The following PCDHA1 variants were observed in gnomAD, a reference collection of about 807,000 sequenced individuals.
The protein encoded by PCDHA1 is protocadherin alpha 1, also known as protocadherin alpha-1.
A neutral mutation model predicts 61.3 loss-of-function variants in PCDHA1; 42 were observed. The observed-to-expected ratio is 0.69, with a 90% confidence interval of 0.54 to 0.89. The LOEUF (loss-of-function observed/expected upper bound fraction) is 0.89. Ranked by LOEUF, PCDHA1 falls within the 40% of genes least tolerant of loss-of-function variation. PCDHA1 has a pLI of 0.00. For synonymous variants in PCDHA1, 610 were observed against 553.8 expected (o/e 1.10, Z -1.43); for missense variants, 1,256 against 1,235.3 (o/e 1.02, Z -0.25).
chr5:140,979,060 C>T, intron 2 of PCDHA1, 53 bp downstream of exon 2: 1 of 1,606,180 alleles, frequency 6.2e-7, no homozygotes, highest in Non-Finnish European at 8.5e-7. Context: ...TGGTATGGCT[C>T]AGATAAACTG....
intron 1 of PCDHA1, chr5:140,876,598 G>T: frequency 6.2e-7 from 1 of 1,614,168 alleles, no homozygotes; most frequent in Non-Finnish European, 8.5e-7. Flanking sequence ...TAGCGTGTCG[G>T]ATCGTGACTC....
intron 1 of PCDHA1, chr5:140,882,698 G>GA: frequency 6.2e-7 from 1 of 1,614,200 alleles, no homozygotes; most frequent in Non-Finnish European, 8.5e-7. Flanking sequence ...AATCATTGCA[G>GA]AATCTAGACC....
At chr5:140,824,330 T>C in intron 1 of PCDHA1, 1 of 642,460 alleles carries the variant, frequency 1.6e-6, no homozygotes, top group Non-Finnish European at 2.7e-6. Context: ...TTCTGTGATA[T>C]TAAGTGTTTT....
intron 1 of PCDHA1, chr5:140,926,797 T>G: frequency 2.1e-6 from 3 of 1,450,476 alleles, no homozygotes; most frequent in Non-Finnish European, 1.8e-6. Flanking sequence ...AGGAGCGTGC[T>G]CTTCCCCGCG....
chr5:140,883,282 G>A (rs781911340), intron 1 of PCDHA1: 6 of 1,613,900 alleles, frequency 3.7e-6, no homozygotes, highest in Non-Finnish European at 5.1e-6. Context: ...CCCTTTTGGT[G>A]GAAGTACTAG....
chr5:140,974,440 C>T (rs782138345), intron 1 of PCDHA1, among the ~76,000 whole-genome samples: 7 of 152,182 alleles, frequency 4.6e-5, no homozygotes, highest in Admixed American at 1.3e-4. Context: ...TGTAAATTAG[C>T]ATTTTAAATG....
chr5:140,961,856 C>T (rs781908407), intron 1 of PCDHA1, among the ~76,000 whole-genome samples: 1 of 151,570 alleles, frequency 6.6e-6, no homozygotes, highest in Non-Finnish European at 1.5e-5. Flanking sequence ...GATCATTTAT[C>T]TGGCCACAGA....
chr5:140,868,792 CCATAAATAAG>C (rs2050654448), intron 1 of PCDHA1: 1 of 326,666 alleles, frequency 3.1e-6, no homozygotes, highest in African/African-American at 2.1e-5. Flanking sequence ...TCTGAATATT[CCATAAATAAG>C]CACGTTGGAA....
intron 1 of PCDHA1, among the ~76,000 whole-genome samples, chr5:140,818,769 G>C (rs1766434605): frequency 6.6e-6 from 1 of 152,182 alleles, no homozygotes; most frequent in Non-Finnish European, 1.5e-5. Context: ...GCCTGAGGCT[G>C]CAATGAACTT....
At position 140,801,221 on chromosome 5, in the gene PCDHA1, TC is replaced by T. The variant is rs1762659295; in HGVS notation, c.2394+12539del. On this transcript the variant is annotated intron_variant, in intron 1 of 3. Transcript: ENST00000504120. ...CAATGTTGTTCTCCTGGCGAGAAGATCCTGGAGCCCAGTGCCTGCTGCTTTC... is the reference window on the plus strand; with the variant it reads ...CAATGTTGTTCTCCTGGCGAGAAGATCTGGAGCCCAGTGCCTGCTGCTTTC... The T allele has an allele frequency of 3.1e-6, 5 of 1,610,278 alleles. No homozygotes were observed. In the South Asian group the frequency reaches 4.4e-5, roughly 14 times the overall value.
At chr5:140,869,083 T>C in intron 1 of PCDHA1, 1 of 1,582,990 alleles carries the variant, frequency 6.3e-7, no homozygotes, top group Non-Finnish European at 8.6e-7. Flanking sequence ...AAGCTTATTT[T>C]GGAAGCCAAT....
At chr5:140,800,930 T>G in intron 1 of PCDHA1, 1 of 774,240 alleles carries the variant, frequency 1.3e-6, no homozygotes, top group Non-Finnish European at 1.8e-6. Flanking sequence ...AACTAGAAAT[T>G]TTGGGAAAGT....
intron 3 of PCDHA1, among the ~76,000 whole-genome samples, chr5:141,001,281 A>T (rs1239906088): frequency 6.6e-6 from 1 of 152,168 alleles, no homozygotes; most frequent in African/African-American, 2.4e-5. Context: ...TTTTTTACGG[A>T]TGAAAACTGA....
At chr5:140,798,237 G>C (rs1762306172) in intron 1 of PCDHA1, among the ~76,000 whole-genome samples, 1 of 152,128 alleles carries the variant, frequency 6.6e-6, no homozygotes, top group Non-Finnish European at 1.5e-5. Context: ...AAAGTATGTA[G>C]CACAGGTTGT....
rs1237864850 is a variant in PCDHA1, at chr5:140,788,276, G to C, written c.1986G>C (p.Thr662=). Residue 662 remains threonine, a synonymous_variant, in exon 1 of 4, where the codon ACG becomes ACC. Coordinates refer to ENST00000504120, the MANE Select transcript of PCDHA1 (RefSeq NM_018900.4). ...KDHGEPALTA[T]ATVLVSLVES... ...ACGGTGAGCCGGCGCTGACAGCCACGGCCACTGTGCTTGTATCTCTGGTGG... is the reference window on the plus strand; with the variant it reads ...ACGGTGAGCCGGCGCTGACAGCCACCGCCACTGTGCTTGTATCTCTGGTGG... 2 of 1,614,006 alleles carry C rather than the reference G, an allele frequency of 1.2e-6. No individual in the cohort carries two copies. The highest frequency in any genetic ancestry group is 2.2e-5 in the East Asian group (1 of 44,876).
At chr5:140,959,611 C>T (rs2095501064) in intron 1 of PCDHA1, among the ~76,000 whole-genome samples, 1 of 151,848 alleles carries the variant, frequency 6.6e-6, no homozygotes, top group Non-Finnish European at 1.5e-5. Context: ...GCTTTTCTTG[C>T]TTGTGATAGA....
intron 1 of PCDHA1, chr5:140,883,049 G>A: frequency 6.2e-7 from 1 of 1,614,182 alleles, no homozygotes; most frequent in South Asian, 1.1e-5. Context: ...TGGAACATTA[G>A]TGATCAAGCT....
In PCDHA1 at chr5:140,856,910, A is replaced by G. The variant is rs782378927; in HGVS notation, c.2394+68226A>G. On this transcript the variant is annotated intron_variant, in intron 1 of 3. Coordinates refer to ENST00000504120, the MANE Select transcript of PCDHA1 (RefSeq NM_018900.4). ...ATTTAGCTCTTTGGTCCCACCCACG[A>G]TAAGAAGGAAATTTTGGATAAACGA... 4.4e-6 allele frequency: 7 copies of G among 1,596,308 alleles called. No individual in the cohort carries two copies. In the South Asian group the frequency reaches 4.4e-5, roughly 10 times the overall value.
At chr5:140,858,708 T>C in intron 1 of PCDHA1, 1 of 547,182 alleles carries the variant, frequency 1.8e-6, no homozygotes, top group African/African-American at 1.9e-5. Context: ...AAATATGTGA[T>C]ATAGGTTGCA....
Sources: gnomAD v4.1 joint callset for allele counts (sites outside exome capture counted in the v4.1 genomes callset) on GRCh38, gnomAD v4.1.1 for gene constraint, MANE v1.5 for transcripts, NCBI Gene and HGNC (gene_info 2026-07-23, HGNC 2026-07-21) for gene names.